The following RIIAD1 variants were observed in gnomAD, a reference collection of about 807,000 sequenced individuals.
The protein encoded by RIIAD1 is regulatory subunit of type II PKA R-subunit domain containing 1, also known as RIIa domain-containing protein 1.
A neutral mutation model predicts 13.3 loss-of-function variants in RIIAD1; 15 were observed. The ratio of observed to expected loss-of-function variants is 1.13; its 90% confidence interval spans 0.76 to 1.74. The LOEUF is 1.74. Ranked by LOEUF, RIIAD1 falls within the 40% of genes most tolerant of loss-of-function variation. The pLI, the probability that RIIAD1 is intolerant of heterozygous loss-of-function variation, is 0.00. For synonymous variants in RIIAD1, 50 were observed against 43.3 expected (o/e 1.16, Z -0.61); for missense variants, 121 against 112.2 (o/e 1.08, Z -0.35).
At chr1:151,716,046 A>AG (rs1558113871) in intron 4 of RIIAD1, 1 of 1,594,298 alleles carries the variant, frequency 6.3e-7, no homozygotes, top group Admixed American at 1.7e-5. Flanking sequence ...GGAGGGGCCG[A>AG]GGGGAGCAGG....
chr1:151,714,811 G>A, intron 4 of RIIAD1: 1 of 684,372 alleles, frequency 1.5e-6, no homozygotes, highest in Non-Finnish European at 2.6e-6. Context: ...GGGGTAGAGA[G>A]GTGTCTCCAA....
exon 4 of RIIAD1, chr1:151,714,494 G>T: frequency 1.2e-6 from 1 of 834,218 alleles, no homozygotes; most frequent in Non-Finnish European, 2.0e-6. Context: ...CTGGTGATGA[G>T]AGGAGGTGGA....
chr1:151,714,881 G>T (rs1260290260), intron 4 of RIIAD1, among the ~76,000 whole-genome samples: 2 of 152,124 alleles, frequency 1.3e-5, no homozygotes, highest in African/African-American at 2.4e-5. Flanking sequence ...TACTGGTGGT[G>T]ATGGGAGAGG....
chr1:151,722,251 T>A, intron 2 of RIIAD1, 89 bp downstream of exon 2: 2 of 769,104 alleles, frequency 2.6e-6, no homozygotes, highest in Non-Finnish European at 4.5e-6. Context: ...TCTAAATTCT[T>A]AAAAATATGT....
In RIIAD1 at chr1:151,729,523, G is replaced by A. The variant is rs1374702133; in HGVS notation, c.*93G>A. On this transcript the variant is annotated 3_prime_UTR_variant, in exon 5 of 5. Coordinates refer to ENST00000479191, the MANE Select transcript of RIIAD1 (RefSeq NM_001144956.3). ...AGGCATGAGAGCCCTACTGCCATCAGTGTGGGTTTCCAAGCTGCCTTGGGC... is the reference window on the plus strand; with the variant it reads ...AGGCATGAGAGCCCTACTGCCATCAATGTGGGTTTCCAAGCTGCCTTGGGC... 6.6e-6 allele frequency: 1 copy of A among 152,308 alleles called. No individual in the cohort carries two copies. Among genetic ancestry groups the A allele is most frequent in the Non-Finnish European group, 1.5e-5 (1 of 68,100 alleles). 9.4% of individuals were successfully genotyped at this position (152,308 alleles called of 1,614,324 possible). A position where few individuals can be genotyped will look rare whatever the true frequency, so the allele number is the denominator to read the frequency against.
intron 2 of RIIAD1, among the ~76,000 whole-genome samples, chr1:151,712,570 A>G (rs1673114850): frequency 6.6e-6 from 1 of 151,566 alleles, no homozygotes; most frequent in Non-Finnish European, 1.5e-5. Flanking sequence ...GGCAACCCCC[A>G]CTCCACCACC....
At chr1:151,719,974 C>CAT (rs1478996871), upstream of RIIAD1, among the ~76,000 whole-genome samples, 1 of 152,036 alleles carries the variant, frequency 6.6e-6, no homozygotes. Flanking sequence ...ATACAAGCCA[C>CAT]ATATATGGTT....
chr1:151,714,520 C>T (rs1161294563), exon 4 of RIIAD1: 6 of 1,054,302 alleles, frequency 5.7e-6, no homozygotes, highest in Non-Finnish European at 8.7e-6. Flanking sequence ...TGCTCAGTGT[C>T]AGGAGGGTGG....
chr1:151,717,172 G>T (rs1673550174), upstream of RIIAD1, among the ~76,000 whole-genome samples: 1 of 152,128 alleles, frequency 6.6e-6, no homozygotes, highest in South Asian at 2.1e-4. Flanking sequence ...GGCATCTGGG[G>T]AGCCCCAAGA....
At chr1:151,718,545 T>C (rs1291226140), upstream of RIIAD1, among the ~76,000 whole-genome samples, 1 of 152,192 alleles carries the variant, frequency 6.6e-6, no homozygotes, top group Non-Finnish European at 1.5e-5. Flanking sequence ...CTTGATTCTG[T>C]GGACCACCTC....
chr1:151,729,646 CA>C lies in RIIAD1; in HGVS notation c.*217del, dbSNP rs1647285473. ...CACTCAAGAGGAGGAAGCCATCCTT[CA>C]GGGGAGGGCTGCTGTGCCCCACTTT... On this transcript the variant is annotated 3_prime_UTR_variant, in exon 5 of 5. Transcript: ENST00000479191. 6.6e-6 allele frequency: 1 copy of C among 152,236 alleles called. No individual in the cohort carries two copies. Among genetic ancestry groups the C allele is most frequent in the African/African-American group, 2.4e-5 (1 of 41,458 alleles). 9.4% of individuals were successfully genotyped at this position (152,236 alleles called of 1,614,324 possible). A position where few individuals can be genotyped will look rare whatever the true frequency, so the allele number is the denominator to read the frequency against.
upstream of RIIAD1, among the ~76,000 whole-genome samples, chr1:151,721,192 C>A (rs1673727519): frequency 6.6e-6 from 1 of 152,198 alleles, no homozygotes; most frequent in African/African-American, 2.4e-5. Context: ...TCTCTTTCCC[C>A]AGTACTAGGC....
chr1:151,718,016 GC>G (rs754439289), upstream of RIIAD1, among the ~76,000 whole-genome samples: 4 of 152,016 alleles, frequency 2.6e-5, no homozygotes, highest in East Asian at 5.8e-4. Flanking sequence ...GGGGCTCTGG[GC>G]TTTTGTAGAG....
intron 4 of RIIAD1, chr1:151,716,094 A>G: frequency 6.7e-7 from 1 of 1,481,818 alleles, no homozygotes; most frequent in South Asian, 1.4e-5. Context: ...CCCAGCAAGG[A>G]GATAAGTGGT....
At chr1:151,722,859 G>A (rs1482604931) in intron 2 of RIIAD1, among the ~76,000 whole-genome samples, 2 of 152,210 alleles carry the variant, frequency 1.3e-5, no homozygotes, top group African/African-American at 4.8e-5. Flanking sequence ...CCCACGCAGT[G>A]TGTGGCATCT....
intron 1 of RIIAD1, 25 bp downstream of exon 1, chr1:151,721,645 A>C: frequency 1.0e-5 from 13 of 1,267,658 alleles, no homozygotes; most frequent in Non-Finnish European, 1.3e-5. Flanking sequence ...GCCCCCATCC[A>C]GCGTCCACCA....
At chr1:151,728,476 G>T in intron 3 of RIIAD1, 1 of 358,548 alleles carries the variant, frequency 2.8e-6, no homozygotes. Context: ...GCGACTCGGG[G>T]TAGGTGGGGG....
chr1:151,727,650 T>C (rs1194564379), intron 3 of RIIAD1, 29 bp downstream of exon 3: 2 of 1,486,874 alleles, frequency 1.3e-6, no homozygotes, highest in Admixed American at 2.0e-5. Context: ...GTTTTGGGTA[T>C]CTGACAAAGC....
Position 151,714,371 on chromosome 1 carries a change from T to C in RIIAD1, c.-89-49T>C, listed in dbSNP as rs1049458082. 12 of 622,522 alleles carry C rather than the reference T, an allele frequency of 1.9e-5. No homozygotes were observed. The African/African-American group carries it at 2.2e-4, about 11-fold the overall frequency. 38.6% of individuals were successfully genotyped at this position (622,522 alleles called of 1,614,324 possible). On this transcript the variant is annotated intron_variant, in intron 3 of 8. Coordinates refer to the RIIAD1 transcript ENST00000326413. Reference sequence around the variant, plus strand: ...GTGGGGAAGGGGCTGCATCTGCTCCTGGTAAAAGTCATGTTTACGCCACTA... The same window carrying C: ...GTGGGGAAGGGGCTGCATCTGCTCCCGGTAAAAGTCATGTTTACGCCACTA...
Sources: gnomAD v4.1 joint callset for allele counts (sites outside exome capture counted in the v4.1 genomes callset) on GRCh38, gnomAD v4.1.1 for gene constraint, MANE v1.5 for transcripts, NCBI Gene and HGNC (gene_info 2026-07-23, HGNC 2026-07-21) for gene names.